The following PDE1A variants were observed in gnomAD, a reference collection of about 807,000 sequenced individuals.
The protein encoded by PDE1A is phosphodiesterase 1A.
In PDE1A, 35 loss-of-function variants were observed where a neutral mutation model predicts 61.7. That is an observed-to-expected ratio of 0.57 (90% CI 0.43 to 0.75). The LOEUF (loss-of-function observed/expected upper bound fraction) is 0.75, where lower values mean the gene tolerates loss of function less well. PDE1A is among the 30% of genes least tolerant of loss of function. PDE1A has a pLI of 0.00. For missense variants in PDE1A, 597 were observed against 630.6 expected, an observed-to-expected ratio of 0.95 and a Z score of 0.57; for synonymous variants, 232 against 213.2, an observed-to-expected ratio of 1.09 and a Z score of -0.77.
the PDE1A span, among the ~76,000 whole-genome samples, chr2:182,549,934 A>G: frequency 1.4e-4 from 22 of 152,320 alleles, no homozygotes; most frequent in Non-Finnish European, 2.6e-4. Context: ...CAATTTAGCT[A>G]TTATCTTTAT....
At chr2:182,167,852 C>T, downstream of PDE1A, 1 of 973,454 alleles carries the variant, frequency 1.0e-6, no homozygotes, top group Non-Finnish European at 1.2e-6. Context: ...ATTTGCACTA[C>T]ATTTTTGACG....
At chr2:182,642,668 C>T in the PDE1A span, among the ~76,000 whole-genome samples, 1 of 152,124 alleles carries the variant, frequency 6.6e-6, no homozygotes, top group African/African-American at 2.4e-5. Flanking sequence ...GGAAGAGATG[C>T]TGAAGTTTAT....
intron 2 of PDE1A, among the ~76,000 whole-genome samples, chr2:182,506,445 G>T (rs968537527): frequency 6.6e-6 from 1 of 152,132 alleles, no homozygotes; most frequent in Admixed American, 6.5e-5. Context: ...TCAGCTCTCA[G>T]CTGCTAAACT....
At chr2:182,672,650 T>G in the PDE1A span, among the ~76,000 whole-genome samples, 2 of 152,242 alleles carry the variant, frequency 1.3e-5, no homozygotes, top group South Asian at 4.1e-4. Context: ...GGGCAGCCTT[T>G]CCTGGAGCAC....
chr2:182,626,862 T>C, the PDE1A span, among the ~76,000 whole-genome samples: 15 of 41,194 alleles, frequency 3.6e-4, 2 homozygotes, highest in Admixed American at 1.0e-3. Context: ...TATATATACA[T>C]ATATATATAC....
intron 2 of PDE1A, among the ~76,000 whole-genome samples, chr2:182,243,717 GTTAGT>G (rs1480027379): frequency 6.6e-6 from 1 of 152,160 alleles, no homozygotes; most frequent in Non-Finnish European, 1.5e-5. Flanking sequence ...TTTGAGTTTA[GTTAGT>G]TTAGTTAACT....
At position 182,147,215 on chromosome 2, in the gene PDE1A, G is replaced by A. The variant is rs1276330344; in HGVS notation, c.1517-63C>T. 1.3e-5 allele frequency: 12 copies of A among 901,024 alleles called. No homozygotes were observed. The East Asian group carries it at 2.8e-4, about 21-fold the overall frequency. The allele number at this position is 901,024 out of a possible 1,614,324, so 55.8% of individuals were successfully genotyped here. A position where few individuals can be genotyped will look rare whatever the true frequency, so the allele number is the denominator to read the frequency against. ...ATAAGGCTTTGGAAAAAACTAATAAGGTTAGGAGACTGAAGAACTTTATAA... is the reference window on the plus strand; with the variant it reads ...ATAAGGCTTTGGAAAAAACTAATAAAGTTAGGAGACTGAAGAACTTTATAA... On this transcript the variant is annotated intron_variant, in intron 13 of 13. Coordinates refer to the PDE1A transcript ENST00000409365.
intron 1 of PDE1A, among the ~76,000 whole-genome samples, chr2:182,356,692 C>T (rs1174746604): frequency 6.6e-6 from 1 of 152,024 alleles, no homozygotes; most frequent in Non-Finnish European, 1.5e-5. Flanking sequence ...CAAGATGGCG[C>T]CACTGCACTC....
At chr2:182,488,325 G>A (rs897076187) in intron 2 of PDE1A, among the ~76,000 whole-genome samples, 4 of 152,096 alleles carry the variant, frequency 2.6e-5, no homozygotes, top group African/African-American at 9.7e-5. Context: ...AATTTACCAA[G>A]GGCTACAGTG....
At chr2:182,552,846 C>T in the PDE1A span, among the ~76,000 whole-genome samples, 1 of 152,176 alleles carries the variant, frequency 6.6e-6, no homozygotes, top group Non-Finnish European at 1.5e-5. Context: ...TTAAATCTTG[C>T]AACTGCACTC....
At chr2:182,393,982 C>T (rs1370485063) in intron 1 of PDE1A, among the ~76,000 whole-genome samples, 1 of 152,200 alleles carries the variant, frequency 6.6e-6, no homozygotes, top group South Asian at 2.1e-4. Flanking sequence ...CTCCAAGTCT[C>T]CAGGAAGTTC....
chr2:182,560,318 G>C, the PDE1A span, among the ~76,000 whole-genome samples: 3 of 148,968 alleles, frequency 2.0e-5, no homozygotes, highest in African/African-American at 7.4e-5. Flanking sequence ...GCGGTGTTTG[G>C]TTTTTTGTCC....
At chr2:182,222,410 C>T (rs1355941048) in intron 7 of PDE1A, among the ~76,000 whole-genome samples, 1 of 151,918 alleles carries the variant, frequency 6.6e-6, no homozygotes, top group African/African-American at 2.4e-5. Flanking sequence ...GGAATGATAG[C>T]TGAAGCACAG....
the PDE1A span, among the ~76,000 whole-genome samples, chr2:182,528,945 A>C: frequency 6.6e-6 from 1 of 152,182 alleles, no homozygotes; most frequent in Non-Finnish European, 1.5e-5. Context: ...TGGATGTCCA[A>C]ACAGAAGTTT....
chr2:182,292,218 C>G (rs1559302693), intron 1 of PDE1A, among the ~76,000 whole-genome samples: 1 of 151,894 alleles, frequency 6.6e-6, no homozygotes, highest in Non-Finnish European at 1.5e-5. Flanking sequence ...CTCTACTAAT[C>G]CTATCATCTG....
intron 2 of PDE1A, among the ~76,000 whole-genome samples, chr2:182,477,351 C>G (rs1687430835): frequency 6.6e-6 from 1 of 151,916 alleles, no homozygotes; most frequent in African/African-American, 2.4e-5. Flanking sequence ...CATTAATTGA[C>G]TATTTACTGG....
intron 1 of PDE1A, among the ~76,000 whole-genome samples, chr2:182,306,599 G>A (rs1169632564): frequency 1.3e-5 from 2 of 152,084 alleles, no homozygotes; most frequent in African/African-American, 4.8e-5. Context: ...AACAGCATGG[G>A]ACTGGCATAA....
intron 2 of PDE1A, among the ~76,000 whole-genome samples, chr2:182,473,359 A>G (rs1215946347): frequency 6.6e-6 from 1 of 152,000 alleles, no homozygotes; most frequent in Non-Finnish European, 1.5e-5. Context: ...AAATGGGAGA[A>G]AATTTTCGCA....
At chr2:182,561,250 A>G in the PDE1A span, among the ~76,000 whole-genome samples, 1 of 152,072 alleles carries the variant, frequency 6.6e-6, no homozygotes, top group African/African-American at 2.4e-5. Flanking sequence ...TAAGGAAGGG[A>G]TCCAGTTTCA....
Sources: allele counts gnomAD v4.1 joint callset (sites outside exome capture counted in the v4.1 genomes callset), GRCh38; gene constraint gnomAD v4.1.1; transcripts MANE v1.5; gene names NCBI Gene and HGNC (gene_info 2026-07-23, HGNC 2026-07-21).